The following TMEM151B variants were observed in gnomAD, a reference collection of about 807,000 sequenced individuals.
The protein encoded by TMEM151B is transmembrane protein 151B.
TMEM151B carries 18 observed loss-of-function variants against 33.0 expected under a neutral mutation model. The ratio of observed to expected loss-of-function variants is 0.55; its 90% CI spans 0.38 to 0.81. The LOEUF is 0.81. TMEM151B is among the 30% of genes least tolerant of loss of function. The probability of loss-of-function intolerance (pLI) is 0.00; values close to 1 mark genes in which losing one functional copy is unlikely to be tolerated. For missense variants in TMEM151B, 672 were observed against 843.4 expected, an observed-to-expected ratio of 0.80 and a Z score of 2.52; for synonymous variants, 354 against 373.6, an observed-to-expected ratio of 0.95 and a Z score of 0.61.
Position 44,276,128 on chromosome 6 carries a change from G to C in TMEM151B, c.1302G>C (p.Glu434Asp). ...TGGCTCCCTACCGGCGCAGCTGCGA[G>C]CACTGCCAGCGCGCCGTCAGCAGCT... ...AGVAPYRRSCEHCQRAVSSSS... is the reference protein window; with the variant it reads ...AGVAPYRRSCDHCQRAVSSSS... The change falls in exon 3 of 3, where the codon GAG becomes GAC. Residue 434 changes from glutamate (E) to aspartate (D), a missense_variant. Coordinates refer to ENST00000451188, the MANE Select transcript of TMEM151B (RefSeq NM_001137560.2). 1 of 1,317,244 alleles carries C rather than the reference G, an allele frequency of 7.6e-7. No individual in the cohort carries two copies. Among genetic ancestry groups the C allele is most frequent in the Non-Finnish European group, 9.6e-7 (1 of 1,041,532 alleles). The allele number at this position is 1,317,244 out of a possible 1,614,324, so 81.6% of individuals were successfully genotyped here.
intron 2 of TMEM151B, 52 bp downstream of exon 2, chr6:44,273,558 C>T (rs571634353): frequency 2.2e-5 from 32 of 1,487,202 alleles, no homozygotes; most frequent in South Asian, 2.1e-4. Flanking sequence ...GTGGCACTTA[C>T]GTGCTGCCTC....
At position 44,275,447 on chromosome 6, in the gene TMEM151B, C is replaced by A. The variant is rs1201419028; in HGVS notation, c.621C>A (p.Phe207Leu). ...RVNTHVAEAE[F>L]DYARCGVRDV... ...ACACGCACGTGGCGGAGGCTGAGTT[C>A]GACTACGCGCGCTGCGGCGTTCGCG... The change falls in exon 3 of 3, where the codon TTC becomes TTA. Residue 207 changes from phenylalanine (F) to leucine (L), a missense_variant. Physicochemically the swap from Phe to Leu is conservative, Grantham distance 22 (BLOSUM62 0). Coordinates refer to ENST00000451188, the MANE Select transcript of TMEM151B (RefSeq NM_001137560.2). The A allele has an allele frequency of 6.5e-7, 1 of 1,538,754 alleles. No individual in the cohort carries two copies. The highest frequency in any genetic ancestry group is 8.8e-7 in the Non-Finnish European group (1 of 1,138,112).
chr6:44,271,845 G>C (rs572129239), intron 1 of TMEM151B, among the ~76,000 whole-genome samples: 11 of 150,916 alleles, frequency 7.3e-5, no homozygotes, highest in Non-Finnish European at 1.2e-4. Context: ...CAGGCCTGAG[G>C]AATTGAGGGG....
chr6:44,272,938 T>C (rs1316082374), intron 1 of TMEM151B, 128 bp from the exon 2 acceptor site: 3 of 805,974 alleles, frequency 3.7e-6, no homozygotes, highest in Admixed American at 5.9e-5. Flanking sequence ...TCCATATCCC[T>C]GTTTCTCTCT....
chr6:44,274,044 A>G (rs937243446), intron 2 of TMEM151B, among the ~76,000 whole-genome samples: 1 of 152,220 alleles, frequency 6.6e-6, no homozygotes, highest in Admixed American at 6.5e-5. Context: ...GTAAGACCCC[A>G]TCTCTATAAA....
In TMEM151B at chr6:44,270,798, G is replaced by A; in HGVS notation, c.56G>A (p.Gly19Asp). The change falls in exon 1 of 3, where the codon GGT becomes GAT. Residue 19 changes from glycine to aspartate, a missense_variant. Gly to Asp is a moderately conservative substitution (Grantham distance 94). Transcript: ENST00000451188. The stretch of plus-strand genomic sequence containing the variant: ...AGCGCCGCCGGCGGCGGCGGCGGCG[G>A]TGGCGGCCCCGGGGTCTCGGAGGAG... ...GESAAGGGGG[G>D]GGPGVSEELT... The A allele has an allele frequency of 8.8e-7, 1 of 1,135,100 alleles. No homozygotes were observed. The highest frequency in any genetic ancestry group is 4.3e-5 in the East Asian group (1 of 23,018). 70.3% of individuals were successfully genotyped at this position (1,135,100 alleles called of 1,614,324 possible).
chr6:44,270,701 G>A lies in TMEM151B; in HGVS notation c.-42G>A. 1.4e-6 allele frequency: 1 copy of A among 724,978 alleles called. No homozygotes were observed. The highest frequency in any genetic ancestry group is 1.8e-6 in the Non-Finnish European group (1 of 560,336). The allele number at this position is 724,978 out of a possible 1,614,324, so 44.9% of individuals were successfully genotyped here. ...CGCAGGATGCCCCCGGCCCCTGGCA[G>A]CCCCCCGGGAGGTCCTGAGCTCGAC... On this transcript the variant is annotated 5_prime_UTR_variant, in exon 1 of 3. Transcript: ENST00000451188.
At chr6:44,274,851 GCTCATGC>G (rs1289889880) in intron 2 of TMEM151B, among the ~76,000 whole-genome samples, 1 of 152,134 alleles carries the variant, frequency 6.6e-6, no homozygotes, top group African/African-American at 2.4e-5. Context: ...GGGGGCGGTG[GCTCATGC>G]CTGTAGTCCC....
At chr6:44,274,329 G>A (rs1209628443) in intron 2 of TMEM151B, among the ~76,000 whole-genome samples, 2 of 152,216 alleles carry the variant, frequency 1.3e-5, no homozygotes, top group African/African-American at 4.8e-5. Flanking sequence ...CCTAAACTCA[G>A]TGACTTGTCC....
In TMEM151B at chr6:44,274,773, G is replaced by A. The variant is rs150495445; in HGVS notation, c.577-630G>A. Among the ~76,000 whole-genome samples, 360 of 152,282 alleles carry A rather than the reference G, an allele frequency of 2.4e-3. 2 individuals carry two copies. Among genetic ancestry groups the A allele is most frequent in the Non-Finnish European group, 3.9e-3 (267 of 68,018 alleles). On this transcript the variant is annotated intron_variant, in intron 2 of 2. Coordinates refer to ENST00000451188, the MANE Select transcript of TMEM151B (RefSeq NM_001137560.2). ...GGCAAATGGATCAGGCAGGCCAGAG[G>A]GGCAGTTCATGGCCAGGGCCTGACC... is the stretch of plus-strand genomic sequence containing the variant.
rs1032364022 is a variant in TMEM151B, at chr6:44,276,374, C to CGAG, written c.1551_1553dup (p.Glu517dup). ...CCAGCCAGGCCAGCATGGGGGACGA[C>CGAG]GAGGACGACGACGAGGAGGAGGCCG... On this transcript the variant is annotated inframe_insertion, in exon 3 of 3. Transcript: ENST00000451188. 1.3e-5 allele frequency: 19 copies of CGAG among 1,513,776 alleles called. No individual in the cohort carries two copies. The Middle Eastern group carries it at 5.1e-4, about 41-fold the overall frequency. The allele number at this position is 1,513,776 out of a possible 1,614,324, so 93.8% of individuals were successfully genotyped here.
intron 1 of TMEM151B, among the ~76,000 whole-genome samples, chr6:44,272,636 C>T (rs1384000624): frequency 6.6e-6 from 1 of 152,152 alleles, no homozygotes; most frequent in Non-Finnish European, 1.5e-5. Flanking sequence ...TGGGGACCTT[C>T]CTTCGCTGAT....
At chr6:44,272,308 C>T (rs902426727) in intron 1 of TMEM151B, among the ~76,000 whole-genome samples, 25 of 152,248 alleles carry the variant, frequency 1.6e-4, no homozygotes, top group Admixed American at 9.1e-4. Flanking sequence ...GACTGCCTGC[C>T]GCTCAGGGAC....
chr6:44,273,635 A>G (rs1782454253), intron 2 of TMEM151B, 129 bp downstream of exon 2: 2 of 1,022,750 alleles, frequency 2.0e-6, no homozygotes, highest in Non-Finnish European at 2.8e-6. Context: ...TCCCATGAGC[A>G]TTGCAACAGC....
Position 44,275,865 on chromosome 6 carries a change from G to A in TMEM151B, c.1039G>A (p.Gly347Ser). Reference sequence around the variant, plus strand: ...GGGCTCGGCCAGCAGCGCAGGCGGTGGCCTCAGCCCCAGCGATGAGCTGCT... The same window carrying A: ...GGGCTCGGCCAGCAGCGCAGGCGGTAGCCTCAGCCCCAGCGATGAGCTGCT... ...GPGSASSAGGGLSPSDELLPP... is the reference protein window; with the variant it reads ...GPGSASSAGGSLSPSDELLPP... Residue 347 changes from glycine to serine, a missense_variant, in exon 3 of 3, where the codon GGC (glycine) becomes AGC (serine). By Grantham distance (56) the Gly-to-Ser change is moderately conservative. This residue lies in a region of TMEM151B where 324 missense variants were observed against 363.1 expected (regional missense o/e 0.89). Coordinates refer to ENST00000451188, the MANE Select transcript of TMEM151B (RefSeq NM_001137560.2). The A allele has an allele frequency of 6.5e-7, 1 of 1,541,718 alleles. No individual in the cohort carries two copies. The highest frequency in any genetic ancestry group is 8.7e-7 in the Non-Finnish European group (1 of 1,145,384).
intron 2 of TMEM151B, among the ~76,000 whole-genome samples, chr6:44,275,123 AAAAAAAAAAAAAAG>A (rs1782523352): frequency 7.3e-6 from 1 of 137,224 alleles, no homozygotes; most frequent in African/African-American, 2.5e-5. Flanking sequence ...ATCTCAAAAA[AAAAAAAAAAAAAAG>A]AAAAAGAAAA....
chr6:44,273,260 C>T lies in TMEM151B; in HGVS notation c.330C>T (p.Asn110=), dbSNP rs900337408. 4.3e-5 allele frequency: 67 copies of T among 1,551,636 alleles called. No individual in the cohort carries two copies. Among genetic ancestry groups the T allele is most frequent in the Non-Finnish European group, 5.5e-5 (63 of 1,146,978 alleles). ...SLMYHDSPCS[N]GYVYIPLAFL... ...TGTACCATGACAGCCCCTGCTCCAA[C>T]GGCTATGTCTACATCCCCCTGGCCT... Residue 110 remains asparagine (N), a synonymous_variant, in exon 2 of 3, where the codon AAC becomes AAT. Coordinates refer to ENST00000451188, the MANE Select transcript of TMEM151B (RefSeq NM_001137560.2).
At position 44,276,698 on chromosome 6, in the gene TMEM151B, C is replaced by G. The variant is rs746361811; in HGVS notation, c.*171C>G. The G allele has an allele frequency of 1.6e-4, 197 of 1,245,824 alleles. No homozygotes were observed. Among genetic ancestry groups the G allele is most frequent in the Non-Finnish European group, 1.8e-4 (181 of 991,410 alleles). The allele number at this position is 1,245,824 out of a possible 1,614,324, so 77.2% of individuals were successfully genotyped here. On this transcript the variant is annotated 3_prime_UTR_variant, in exon 3 of 3. Coordinates refer to ENST00000451188, the MANE Select transcript of TMEM151B (RefSeq NM_001137560.2). ...GATGGGGCCGAGACCCCCGCTGTCC[C>G]TGTACATAAAGAGACCGATGGGTGG...
In TMEM151B at chr6:44,276,093, G is replaced by A; in HGVS notation, c.1267G>A (p.Ala423Thr). The change falls in exon 3 of 3, where the codon GCG (alanine) becomes ACG (threonine). Residue 423 changes from alanine (A) to threonine (T), a missense_variant. Physicochemically the swap from Ala to Thr is moderately conservative, Grantham distance 58 (BLOSUM62 0). Around this residue, in one of 3 missense-constraint regions of TMEM151B, gnomAD observed 324 missense variants for 363.1 expected, o/e 0.89. Coordinates refer to ENST00000451188, the MANE Select transcript of TMEM151B (RefSeq NM_001137560.2). Reference sequence around the variant, plus strand: ...CTACGGTGGGGTAGGCGGCCCGGGCGCGGCGGGCGTGGCTCCCTACCGGCG... The same window carrying A: ...CTACGGTGGGGTAGGCGGCCCGGGCACGGCGGGCGTGGCTCCCTACCGGCG... ...CRYGGVGGPG[A>T]AGVAPYRRSC... 1 of 1,320,256 alleles carries A rather than the reference G, an allele frequency of 7.6e-7. No individual in the cohort carries two copies. The allele number at this position is 1,320,256 out of a possible 1,614,324, so 81.8% of individuals were successfully genotyped here.
Sources: allele counts gnomAD v4.1 joint callset (sites outside exome capture counted in the v4.1 genomes callset), GRCh38; gene constraint gnomAD v4.1.1; regional missense constraint gnomAD v4.1.1; transcripts MANE v1.5; gene names NCBI Gene and HGNC (gene_info 2026-07-23, HGNC 2026-07-21).